OSBPL2: variants seen among roughly 807,000 people sequenced by gnomAD.
The protein encoded by OSBPL2 is oxysterol-binding protein-related protein 2.
Under a neutral mutation model 58.4 loss-of-function variants are expected in OSBPL2, and 18 were observed. That is an observed-to-expected ratio of 0.31 (90% confidence interval 0.21 to 0.46). The LOEUF (loss-of-function observed/expected upper bound fraction) is 0.46. OSBPL2 is among the 20% of genes least tolerant of loss of function. The pLI is 1.00. For missense variants in OSBPL2, 461 were observed against 616.5 expected, an observed-to-expected ratio of 0.75 and a Z score of 2.67; for synonymous variants, 221 against 234.1, an observed-to-expected ratio of 0.94 and a Z score of 0.51.
At chr20:62,289,632 G>T (rs917141487) in intron 12 of OSBPL2, among the ~76,000 whole-genome samples, 1 of 152,212 alleles carries the variant, frequency 6.6e-6, no homozygotes, top group African/African-American at 2.4e-5. Context: ...GGCCGAGCGC[G>T]GTGGCTCACG....
intron 1 of OSBPL2, among the ~76,000 whole-genome samples, chr20:62,252,045 G>A (rs1009578607): frequency 3.3e-5 from 5 of 150,886 alleles, no homozygotes; most frequent in African/African-American, 4.9e-5. Context: ...CACCACACCC[G>A]ACTAATTTTT....
chr20:62,278,050 C>T (rs1252044834), intron 6 of OSBPL2, among the ~76,000 whole-genome samples: 1 of 152,194 alleles, frequency 6.6e-6, no homozygotes, highest in Non-Finnish European at 1.5e-5. Context: ...ATTGCTTCTC[C>T]ACCTGCGTCT....
intron 6 of OSBPL2, chr20:62,278,756 T>C (rs1982581829): frequency 5.3e-6 from 1 of 190,098 alleles, no homozygotes. Context: ...TTGCCAACGT[T>C]AGGCCGAGTG....
intron 6 of OSBPL2, among the ~76,000 whole-genome samples, chr20:62,276,777 T>G (rs1048381167): frequency 5.3e-5 from 8 of 152,084 alleles, no homozygotes; most frequent in Non-Finnish European, 1.2e-4. Flanking sequence ...CGAGAACCAC[T>G]TGTGAGGGAG....
chr20:62,278,538 C>T lies in OSBPL2; in HGVS notation c.492-619C>T, dbSNP rs118200581. The T allele has an allele frequency of 7.2e-3, 537 of 74,434 alleles. 25 individuals are homozygous for T. Among genetic ancestry groups the T allele is most frequent in the African/African-American group, 0.031 (508 of 16,172 alleles). 4.6% of individuals were successfully genotyped at this position (74,434 alleles called of 1,614,324 possible). A position where few individuals can be genotyped will look rare whatever the true frequency, so the allele number is the denominator to read the frequency against. ...TGTGTTGCCAACGTTAGGCCGAGTG[C>T]GATGTCATGTTTGTGTGTGTGTCTG... On this transcript the variant is annotated intron_variant, in intron 6 of 13. Transcript: ENST00000313733.
intron 1 of OSBPL2, among the ~76,000 whole-genome samples, chr20:62,239,541 C>CG (rs1979578712): frequency 6.6e-6 from 1 of 152,180 alleles, no homozygotes; most frequent in Admixed American, 6.5e-5. Context: ...AGCCTGGCTC[C>CG]GGCAGCTTTG....
Position 62,281,856 on chromosome 20 carries a change from G to A in OSBPL2, c.849G>A (p.Val283=), listed in dbSNP as rs1268459727. 6.2e-7 allele frequency: 1 copy of A among 1,611,826 alleles called. No individual in the cohort carries two copies. Among genetic ancestry groups the A allele is most frequent in the East Asian group, 2.2e-5 (1 of 44,826 alleles). Residue 283 remains valine (V), a synonymous_variant, in exon 9 of 14, where the codon GTG becomes GTA. Transcript: ENST00000313733. ...TATTTGGAAAAGAACTTCACAAGGT[G>A]GAAGGACACATTCAAGACAAAAAGT... ...CGLFGKELHK[V]EGHIQDKNKK...
At chr20:62,245,533 G>A (rs1980048467) in intron 1 of OSBPL2, among the ~76,000 whole-genome samples, 1 of 152,212 alleles carries the variant, frequency 6.6e-6, no homozygotes, top group South Asian at 2.1e-4. Context: ...GTTAAAAAGC[G>A]CAGACCTAGA....
intron 1 of OSBPL2, among the ~76,000 whole-genome samples, chr20:62,247,021 C>A (rs141854514): frequency 6.6e-6 from 1 of 152,280 alleles, no homozygotes; most frequent in Non-Finnish European, 1.5e-5. Flanking sequence ...GCCAGGTCGC[C>A]GACTGCTCTG....
In OSBPL2 at chr20:62,273,377, A is replaced by T. The variant is rs1307948954; in HGVS notation, c.462A>T (p.Pro154=). The T allele has an allele frequency of 6.2e-7, 1 of 1,600,550 alleles. No individual in the cohort carries two copies. The highest frequency in any genetic ancestry group is 8.5e-7 in the Non-Finnish European group (1 of 1,176,206). The stretch of plus-strand genomic sequence containing the variant: ...AGAGGACCGGCAAACCATTTAATCC[A>T]CTCTTGGGAGAAACGTATGAATTAA... The part of the protein sequence containing the change: ...QWERTGKPFN[P]LLGETYELIR... The change falls in exon 6 of 14, where the codon CCA becomes CCT. Residue 154 remains proline, a synonymous_variant. Coordinates refer to ENST00000313733, the MANE Select transcript of OSBPL2 (RefSeq NM_144498.4).
Position 62,294,216 on chromosome 20 carries a change from T to C in OSBPL2, c.*329T>C. ...AGCACACTCTCAGTCATAGCATGTG[T>C]AGCTAAAGGAAGTAATGGGAAGGGG... On this transcript the variant is annotated 3_prime_UTR_variant, in exon 14 of 14. Transcript: ENST00000313733. 1 of 355,870 alleles carries C rather than the reference T, an allele frequency of 2.8e-6. No homozygotes were observed. The allele number at this position is 355,870 out of a possible 1,614,324, so 22.0% of individuals were successfully genotyped here. A position where few individuals can be genotyped will look rare whatever the true frequency, so the allele number is the denominator to read the frequency against.
intron 4 of OSBPL2, among the ~76,000 whole-genome samples, chr20:62,266,999 A>C (rs1460432161): frequency 6.6e-6 from 1 of 152,202 alleles, no homozygotes. Context: ...TCACGCCTAT[A>C]ATCACTGTCA....
chr20:62,256,027 C>G (rs1391239664), intron 1 of OSBPL2, 30 bp from the exon 2 acceptor site: 2 of 671,834 alleles, frequency 3.0e-6, no homozygotes, highest in Admixed American at 7.3e-5. Context: ...CTTCTGGAAG[C>G]TAAGTATGCC....
At chr20:62,250,495 C>T (rs572857069) in intron 1 of OSBPL2, among the ~76,000 whole-genome samples, 9 of 152,278 alleles carry the variant, frequency 5.9e-5, no homozygotes, top group Admixed American at 2.6e-4. Context: ...CAGTAGCAGG[C>T]GACATCGGTG....
intron 1 of OSBPL2, among the ~76,000 whole-genome samples, chr20:62,254,365 C>T (rs537214577): frequency 1.1e-4 from 16 of 152,362 alleles, no homozygotes; most frequent in African/African-American, 3.6e-4. Flanking sequence ...CCTCAGTGCT[C>T]TGAAGGGGGA....
At chr20:62,283,727 C>T (rs1460176487) in intron 9 of OSBPL2, among the ~76,000 whole-genome samples, 4 of 152,008 alleles carry the variant, frequency 2.6e-5, no homozygotes, top group African/African-American at 9.7e-5. Flanking sequence ...ACCAACCATC[C>T]TTTGGGTTTC....
intron 1 of OSBPL2, among the ~76,000 whole-genome samples, chr20:62,244,296 CCTT>C (rs779003934): frequency 3.9e-5 from 6 of 152,346 alleles, no homozygotes; most frequent in Non-Finnish European, 5.9e-5. Flanking sequence ...CAAGGTGTCT[CCTT>C]CTCCTCTAGC....
At chr20:62,279,836 G>T (rs369724751) in intron 7 of OSBPL2, 12 of 549,238 alleles carry the variant, frequency 2.2e-5, no homozygotes, top group African/African-American at 6.2e-5. Context: ...CCTCCCACAG[G>T]GGGAGAGAGC....
intron 6 of OSBPL2, among the ~76,000 whole-genome samples, chr20:62,277,206 C>T (rs536719328): frequency 1.1e-3 from 173 of 152,246 alleles, no homozygotes; most frequent in Admixed American, 3.1e-3. Context: ...GCCGAGATCA[C>T]GCCACTGCAC....
Sources: gnomAD v4.1 joint callset for allele counts (sites outside exome capture counted in the v4.1 genomes callset) on GRCh38, gnomAD v4.1.1 for gene constraint, MANE v1.5 for transcripts, NCBI Gene and HGNC (gene_info 2026-07-23, HGNC 2026-07-21) for gene names.